Variants in RHOT1 observed in about 807,000 individuals in gnomAD.
The protein encoded by RHOT1 is mitochondrial Rho GTPase 1.
Under a neutral mutation model 95.3 loss-of-function variants are expected in RHOT1, and 27 were observed. The observed-to-expected ratio is 0.28, with a 90% CI of 0.21 to 0.39. RHOT1 has a LOEUF of 0.39. RHOT1 is among the 10% of genes least tolerant of loss of function. The pLI is 1.00. For missense variants in RHOT1, 578 were observed against 786.7 expected, an observed-to-expected ratio of 0.73 and a Z score of 3.17; for synonymous variants, 227 against 263.5, an observed-to-expected ratio of 0.86 and a Z score of 1.34.
intron 1 of RHOT1, among the ~76,000 whole-genome samples, chr17:32,168,258 CA>C (rs1214377773): frequency 1.3e-5 from 2 of 152,066 alleles, no homozygotes; most frequent in African/African-American, 4.8e-5. Context: ...CACACACACT[CA>C]CATACACATG....
At chr17:32,182,961 T>C (rs2035757561) in intron 7 of RHOT1, 96 bp downstream of exon 7, 3 of 865,890 alleles carry the variant, frequency 3.5e-6, no homozygotes. Flanking sequence ...GGAATAAATT[T>C]CCTGCTATTT....
chr17:32,143,295 A>G (rs2030726498), intron 1 of RHOT1, among the ~76,000 whole-genome samples: 1 of 152,112 alleles, frequency 6.6e-6, no homozygotes, highest in African/African-American at 2.4e-5. Context: ...CACTCTCTCT[A>G]TGTATTGACA....
chr17:32,172,891 T>C (rs1434064626), intron 2 of RHOT1: 3 of 152,236 alleles, frequency 2.0e-5, no homozygotes, highest in Admixed American at 6.5e-5. Flanking sequence ...CAGTCAATTA[T>C]TTTCTAGAGG....
chr17:32,184,862 T>G (rs2035911225), intron 8 of RHOT1, among the ~76,000 whole-genome samples: 1 of 152,152 alleles, frequency 6.6e-6, no homozygotes, highest in South Asian at 2.1e-4. Flanking sequence ...TAGTTTCTAC[T>G]TTTAGGCTAT....
At chr17:32,197,053 G>T (rs1033602563) in intron 11 of RHOT1, among the ~76,000 whole-genome samples, 1 of 151,654 alleles carries the variant, frequency 6.6e-6, no homozygotes, top group Admixed American at 6.6e-5. Flanking sequence ...AACCTGGAAG[G>T]TGGAGGTTGC....
chr17:32,144,564 A>G (rs2030997739), intron 1 of RHOT1, among the ~76,000 whole-genome samples: 1 of 151,786 alleles, frequency 6.6e-6, no homozygotes, highest in Non-Finnish European at 1.5e-5. Context: ...ATGCTCCCAC[A>G]CAGCTGGGTG....
At chr17:32,209,322 T>C in intron 18 of RHOT1, 1 of 1,311,058 alleles carries the variant, frequency 7.6e-7, no homozygotes. Flanking sequence ...TACCTTTGCT[T>C]TAAAACTCTC....
chr17:32,207,083 G>A, intron 17 of RHOT1, 54 bp downstream of exon 17: 2 of 1,526,210 alleles, frequency 1.3e-6, no homozygotes, highest in Non-Finnish European at 1.8e-6. Flanking sequence ...GACTTTTTAT[G>A]GAATTGCAGT....
intron 8 of RHOT1, among the ~76,000 whole-genome samples, chr17:32,189,611 G>A (rs1392946583): frequency 6.6e-6 from 1 of 152,018 alleles, no homozygotes; most frequent in East Asian, 1.9e-4. Flanking sequence ...GTTCTTAGGT[G>A]GACCTGAGTG....
At chr17:32,144,079 A>G (rs1435224418) in intron 1 of RHOT1, among the ~76,000 whole-genome samples, 1 of 152,252 alleles carries the variant, frequency 6.6e-6, no homozygotes, top group Non-Finnish European at 1.5e-5. Context: ...GACTTCCTTG[A>G]CAAGGTTCAG....
intron 16 of RHOT1, 50 bp from the exon 17 acceptor site, chr17:32,206,860 A>G (rs989174830): frequency 1.6e-6 from 2 of 1,275,152 alleles, no homozygotes; most frequent in Non-Finnish European, 2.2e-6. Context: ...ATGACTTAAT[A>G]TATCAATATT....
At chr17:32,144,536 GA>G (rs889148433) in intron 1 of RHOT1, among the ~76,000 whole-genome samples, 19 of 151,280 alleles carry the variant, frequency 1.3e-4, no homozygotes, top group Non-Finnish European at 2.7e-4. Flanking sequence ...GACTCTGTCT[GA>G]AAAAAAACCT....
intron 1 of RHOT1, among the ~76,000 whole-genome samples, chr17:32,163,343 A>G (rs529281340): frequency 6.6e-6 from 1 of 152,326 alleles, no homozygotes; most frequent in Admixed American, 6.5e-5. Flanking sequence ...TTTCAAAGGA[A>G]AATTTGACAG....
rs767952623 is a variant in RHOT1 at position 32,211,088 on chromosome 17, A to T, written c.1740-28A>T. 5 of 1,576,656 alleles carry T rather than the reference A, an allele frequency of 3.2e-6. No individual in the cohort carries two copies. The East Asian group carries it at 1.1e-4, about 36-fold the overall frequency. On this transcript the variant is annotated intron_variant, in intron 18 of 19. Transcript: ENST00000545287. ...TGCCATATTTGTAAGTAAGAACTCAACTCCTGTCCTTCTGTGTGTTTTCGC... is the reference window on the plus strand; with the variant it reads ...TGCCATATTTGTAAGTAAGAACTCATCTCCTGTCCTTCTGTGTGTTTTCGC...
chr17:32,150,412 A>T, intron 1 of RHOT1: 2 of 528,892 alleles, frequency 3.8e-6, no homozygotes. Flanking sequence ...AATGGTCCAT[A>T]TTTATTAGTA....
chr17:32,173,513 G>C (rs1478144897), intron 2 of RHOT1, among the ~76,000 whole-genome samples: 1 of 152,108 alleles, frequency 6.6e-6, no homozygotes, highest in Non-Finnish European at 1.5e-5. Flanking sequence ...AGGAGTTCAA[G>C]ACTAGCGTGG....
chr17:32,199,470 T>G lies in RHOT1; in HGVS notation c.1020T>G (p.Pro340=), dbSNP rs1390701310. Residue 340 remains proline (P), a synonymous_variant, in exon 13 of 20, where the codon CCT becomes CCG. Transcript: ENST00000545287. ...KDLFKVFPYI[P]WGPDVNNTVC... ...TATTTAAAGTTTTCCCTTACATACC[T>G]TGGGGGCCAGATGTGAATAACACAG... 1 of 1,613,154 alleles carries G rather than the reference T, an allele frequency of 6.2e-7. No homozygotes were observed. The highest frequency in any genetic ancestry group is 8.5e-7 in the Non-Finnish European group (1 of 1,179,600).
chr17:32,168,941 G>A (rs73989714), intron 1 of RHOT1, among the ~76,000 whole-genome samples: 461 of 152,228 alleles, frequency 3.0e-3, no homozygotes, highest in African/African-American at 0.011. Context: ...ATGGATTCAC[G>A]GACATCATCA....
chr17:32,186,322 T>G (rs1000222667), intron 8 of RHOT1, among the ~76,000 whole-genome samples: 3 of 152,190 alleles, frequency 2.0e-5, no homozygotes, highest in African/African-American at 7.2e-5. Flanking sequence ...ATTGGCCATC[T>G]TCTTTGGAGA....
Sources: allele counts gnomAD v4.1 joint callset (sites outside exome capture counted in the v4.1 genomes callset), GRCh38; gene constraint gnomAD v4.1.1; transcripts MANE v1.5; gene names NCBI Gene and HGNC (gene_info 2026-07-23, HGNC 2026-07-21).